FNIP2: variants seen among roughly 807,000 people sequenced by gnomAD.
FNIP2 encodes folliculin-interacting protein 2.
In FNIP2, 32 loss-of-function variants were observed where a neutral mutation model predicts 108.7. The ratio of observed to expected loss-of-function variants is 0.29; its 90% CI spans 0.22 to 0.40. FNIP2 has a LOEUF of 0.40. Among genes scored for constraint, FNIP2 ranks in the 10% least tolerant of loss-of-function variants. The pLI is 1.00. For missense variants in FNIP2, 1,202 were observed against 1,381.6 expected, an observed-to-expected ratio of 0.87 and a Z score of 2.06; for synonymous variants, 480 against 496.7, an observed-to-expected ratio of 0.97 and a Z score of 0.45.
intron 1 of FNIP2, among the ~76,000 whole-genome samples, chr4:158,781,777 C>A (rs1776056828): frequency 6.6e-6 from 1 of 152,124 alleles, no homozygotes; most frequent in Non-Finnish European, 1.5e-5. Context: ...TTGGCCTCCG[C>A]AAGGTGCTGG....
chr4:158,898,909 T>A (rs1475138130), intron 16 of FNIP2, among the ~76,000 whole-genome samples: 1 of 152,216 alleles, frequency 6.6e-6, no homozygotes, highest in East Asian at 1.9e-4. Flanking sequence ...GAGAGCATCC[T>A]TGTCTTGTGC....
In FNIP2 at chr4:158,835,485, A is replaced by T; in HGVS notation, c.727+9A>T. 7 of 1,610,418 alleles carry T rather than the reference A, an allele frequency of 4.3e-6. No homozygotes were observed. Among genetic ancestry groups the T allele is most frequent in the Non-Finnish European group, 5.9e-6 (7 of 1,177,550 alleles). ...TGGCATTGCTCGATCAGGTACTTGT[A>T]CTCTGTTTATTGGTTTAACTAACAG... is the stretch of plus-strand genomic sequence containing the variant. On this transcript the variant is annotated intron_variant, in intron 7 of 16. Transcript: ENST00000264433.
intron 14 of FNIP2, chr4:158,872,618 C>G (rs1422125356): frequency 2.0e-6 from 2 of 984,952 alleles, no homozygotes; most frequent in Non-Finnish European, 2.4e-6. Context: ...TTAATACATT[C>G]AGAATATATC....
intron 6 of FNIP2, chr4:158,834,112 ATCTGAAATGAGCCCTTAGTATT>A (rs1778640774): frequency 4.6e-6 from 1 of 218,564 alleles, no homozygotes; most frequent in African/African-American, 2.4e-5. Flanking sequence ...GCTGATTTTG[ATCTGAAATGAGCCCTTAGTATT>A]TCCAAGAGGA....
chr4:158,802,987 C>T (rs1776811559), intron 1 of FNIP2, among the ~76,000 whole-genome samples: 1 of 152,204 alleles, frequency 6.6e-6, no homozygotes, highest in Admixed American at 6.5e-5. Flanking sequence ...AGTCTGCCTT[C>T]CTTACATATA....
intron 14 of FNIP2, among the ~76,000 whole-genome samples, chr4:158,877,949 C>G (rs562605799): frequency 3.3e-5 from 5 of 151,748 alleles, no homozygotes; most frequent in South Asian, 2.1e-4. Flanking sequence ...CCTCCCCCAC[C>G]CCCCCTCACC....
At chr4:158,899,138 G>C (rs1302039555) in intron 16 of FNIP2, among the ~76,000 whole-genome samples, 1 of 152,174 alleles carries the variant, frequency 6.6e-6, no homozygotes, top group Non-Finnish European at 1.5e-5. Context: ...TTGTTTATGC[G>C]ATGGATTACC....
At chr4:158,841,261 G>T (rs1213207043) in intron 7 of FNIP2, among the ~76,000 whole-genome samples, 1 of 152,194 alleles carries the variant, frequency 6.6e-6, no homozygotes, top group Non-Finnish European at 1.5e-5. Context: ...TAAGGCTGGG[G>T]TGAGGGTTCC....
At position 158,890,336 on chromosome 4, in the gene FNIP2, A is replaced by G. The variant is rs539659545; in HGVS notation, c.2950-1110A>G. The G allele has an allele frequency of 1.5e-5, 15 of 984,962 alleles. 1 individual carries two copies. In the African/African-American group the frequency reaches 2.1e-4, roughly 14 times the overall value. 61.0% of individuals were successfully genotyped at this position (984,962 alleles called of 1,614,324 possible). A position where few individuals can be genotyped will look rare whatever the true frequency, so the allele number is the denominator to read the frequency against. On this transcript the variant is annotated intron_variant, in intron 14 of 16. Transcript: ENST00000264433. ...CCCTATTACCAGGGTTTTTCCTACT[A>G]TTTTTCCTACTATTCCCCCTTGGAT...
intron 7 of FNIP2, among the ~76,000 whole-genome samples, chr4:158,850,618 A>T (rs1779645023): frequency 6.7e-6 from 1 of 149,336 alleles, no homozygotes; most frequent in Non-Finnish European, 1.5e-5. Context: ...CACAGACAAC[A>T]GAGTAGCAGT....
chr4:158,891,615 A>G lies in FNIP2; in HGVS notation c.3119A>G (p.Gln1040Arg). 6.2e-7 allele frequency: 1 copy of G among 1,612,632 alleles called. No individual in the cohort carries two copies. The highest frequency in any genetic ancestry group is 1.7e-5 in the Admixed American group (1 of 59,800). ...QVSSLLQSIL[Q>R]LYKLHLPADF... ...TCCAGTTTGCTTCAGTCCATTTTACAGCTCTATAAGCTTCACCTCCCTGCT... is the reference window on the plus strand; with the variant it reads ...TCCAGTTTGCTTCAGTCCATTTTACGGCTCTATAAGCTTCACCTCCCTGCT... Residue 1040 changes from glutamine (Q) to arginine (R), a missense_variant, in exon 15 of 17, where the codon CAG becomes CGG. This residue lies in a region of FNIP2 where 142 missense variants were observed against 183.8 expected (regional missense o/e 0.77). Transcript: ENST00000264433.
At chr4:158,822,263 G>A (rs1777927391) in intron 1 of FNIP2, among the ~76,000 whole-genome samples, 1 of 143,442 alleles carries the variant, frequency 7.0e-6, no homozygotes, top group Non-Finnish European at 1.5e-5. Flanking sequence ...CAGCAGCCTC[G>A]ACTTCCCGAG....
intron 1 of FNIP2, among the ~76,000 whole-genome samples, chr4:158,788,453 ATG>A (rs1240591839): frequency 6.6e-6 from 1 of 152,202 alleles, no homozygotes; most frequent in African/African-American, 2.4e-5. Flanking sequence ...CTATAATCTT[ATG>A]TGTTTAACCT....
intron 1 of FNIP2, among the ~76,000 whole-genome samples, chr4:158,785,087 C>CTTTTTTTTTTTTTTTTTTT (rs397805773): frequency 1.6e-5 from 2 of 123,202 alleles, no homozygotes; most frequent in African/African-American, 3.3e-5. Context: ...TAAAGTTCCT[C>CTTTTTTTTTTTTTTTTTTT]TTTTTTTTTT....
chr4:158,788,002 G>A (rs1006615974), intron 1 of FNIP2, among the ~76,000 whole-genome samples: 2 of 152,168 alleles, frequency 1.3e-5, no homozygotes, highest in Admixed American at 1.3e-4. Flanking sequence ...GATTAAGAGC[G>A]GGAGTGGGCT....
chr4:158,808,923 G>A (rs1228348465), intron 1 of FNIP2, among the ~76,000 whole-genome samples: 1 of 152,196 alleles, frequency 6.6e-6, no homozygotes, highest in Non-Finnish European at 1.5e-5. Flanking sequence ...AAAACAGACG[G>A]AAACAGTGCA....
At chr4:158,828,927 G>GTTTT (rs1161698307) in intron 2 of FNIP2, among the ~76,000 whole-genome samples, 152 bp from the exon 3 acceptor site, 1 of 151,616 alleles carries the variant, frequency 6.6e-6, no homozygotes, top group Non-Finnish European at 1.5e-5. Context: ...CCCAAACCAT[G>GTTTT]TTTTTGTCAT....
chr4:158,772,675 T>C (rs946444991), intron 1 of FNIP2, among the ~76,000 whole-genome samples: 1 of 152,198 alleles, frequency 6.6e-6, no homozygotes, highest in Non-Finnish European at 1.5e-5. Context: ...TTAGAACAAA[T>C]TTAATCTGTT....
chr4:158,783,946 A>G (rs1432920832), intron 1 of FNIP2, among the ~76,000 whole-genome samples: 1 of 152,242 alleles, frequency 6.6e-6, no homozygotes, highest in East Asian at 1.9e-4. Flanking sequence ...TTCAGAGGAA[A>G]GCTGGACAGG....
Sources: allele counts gnomAD v4.1 joint callset (sites outside exome capture counted in the v4.1 genomes callset), GRCh38; gene constraint gnomAD v4.1.1; regional missense constraint gnomAD v4.1.1; transcripts MANE v1.5; gene names NCBI Gene and HGNC (gene_info 2026-07-23, HGNC 2026-07-21).